The following RBM6 variants were observed in gnomAD, a reference collection of about 807,000 sequenced individuals.
RBM6 encodes RNA binding motif protein 6.
RBM6 carries 23 observed loss-of-function variants against 140.4 expected under a neutral mutation model. That is an observed-to-expected ratio of 0.16 (90% CI 0.12 to 0.23). RBM6 has a LOEUF of 0.23. RBM6 is among the 10% of genes least tolerant of loss of function. The pLI, the probability that RBM6 is intolerant of heterozygous loss-of-function variation, is 1.00. For missense variants in RBM6, 1,139 were observed against 1,386.7 expected, an observed-to-expected ratio of 0.82 and a Z score of 2.84; for synonymous variants, 439 against 475.6, an observed-to-expected ratio of 0.92 and a Z score of 1.00.
chr3:50,074,977 G>A (rs2090413923), intron 19 of RBM6, among the ~76,000 whole-genome samples: 1 of 151,286 alleles, frequency 6.6e-6, no homozygotes, highest in African/African-American at 2.4e-5. Context: ...GTGAAACTCT[G>A]TCTCTACTGA....
chr3:49,953,134 C>A (rs1315499524), intron 1 of RBM6, among the ~76,000 whole-genome samples: 1 of 151,958 alleles, frequency 6.6e-6, no homozygotes, highest in Non-Finnish European at 1.5e-5. Context: ...TGGCTTACTG[C>A]AGGCTGAAAC....
At chr3:49,988,126 G>A (rs1001082180) in intron 5 of RBM6, among the ~76,000 whole-genome samples, 2 of 152,088 alleles carry the variant, frequency 1.3e-5, no homozygotes, top group African/African-American at 2.4e-5. Context: ...TGTTCTCTTG[G>A]TTGTGTTGGG....
chr3:50,065,307 T>G (rs943925337), intron 16 of RBM6, among the ~76,000 whole-genome samples, 181 bp downstream of exon 16: 1 of 152,228 alleles, frequency 6.6e-6, no homozygotes, highest in Non-Finnish European at 1.5e-5. Context: ...TGTCTGCTAA[T>G]GGGGGTATTA....
intron 5 of RBM6, among the ~76,000 whole-genome samples, chr3:49,982,988 A>G (rs2085382306): frequency 6.6e-6 from 1 of 152,150 alleles, no homozygotes; most frequent in African/African-American, 2.4e-5. Flanking sequence ...CTGGGATTAC[A>G]GGCATGAACC....
chr3:49,993,287 A>T (rs951041990), intron 5 of RBM6, among the ~76,000 whole-genome samples: 2 of 152,162 alleles, frequency 1.3e-5, no homozygotes, highest in Admixed American at 6.5e-5. Flanking sequence ...AAACAAACAA[A>T]TTTTTTTCTT....
chr3:49,957,056 C>T (rs1284207939), intron 1 of RBM6, among the ~76,000 whole-genome samples: 1 of 152,128 alleles, frequency 6.6e-6, no homozygotes. Context: ...GATCATAGCT[C>T]ACTGCAGACT....
At chr3:50,056,617 C>T (rs1212649450) in intron 8 of RBM6, among the ~76,000 whole-genome samples, 1 of 152,100 alleles carries the variant, frequency 6.6e-6, no homozygotes, top group Non-Finnish European at 1.5e-5. Flanking sequence ...GTATGAAAAC[C>T]ACTGGGCACC....
intron 2 of RBM6, among the ~76,000 whole-genome samples, chr3:49,963,878 C>A (rs1245103799): frequency 2.0e-5 from 3 of 151,950 alleles, no homozygotes; most frequent in Non-Finnish European, 2.9e-5. Context: ...CCAGTTGAAA[C>A]TTCTATTAAC....
At chr3:50,017,285 C>T (rs1201761474) in intron 6 of RBM6, among the ~76,000 whole-genome samples, 1 of 152,146 alleles carries the variant, frequency 6.6e-6, no homozygotes, top group Non-Finnish European at 1.5e-5. Context: ...GGGCTGGGCA[C>T]AGTGGCTCAC....
At chr3:50,038,613 T>G (rs2088683130) in intron 6 of RBM6, among the ~76,000 whole-genome samples, 1 of 152,062 alleles carries the variant, frequency 6.6e-6, no homozygotes, top group African/African-American at 2.4e-5. Flanking sequence ...GGGCGGATCA[T>G]GAGGTCCGGA....
Position 49,986,436 on chromosome 3 carries a change from A to T in RBM6, c.1483+11044A>T, listed in dbSNP as rs548952700. Among the ~76,000 whole-genome samples the T allele has an allele frequency of 4.6e-5, 7 of 151,864 alleles. No individual in the cohort carries two copies. In the East Asian group the frequency reaches 1.0e-3, roughly 22 times the overall value. On this transcript the variant is annotated intron_variant, in intron 5 of 20. Coordinates refer to ENST00000266022, the MANE Select transcript of RBM6 (RefSeq NM_005777.3). ...GGTGAAACCCCATCTGTACTAAAAA[A>T]TACAAAAAATTAGCCGGGCATGGTG...
intron 2 of RBM6, chr3:49,962,906 G>T: frequency 2.7e-6 from 1 of 374,102 alleles, no homozygotes; most frequent in South Asian, 4.1e-5. Context: ...GACCATCCTG[G>T]CTATCACGGT....
intron 7 of RBM6, among the ~76,000 whole-genome samples, chr3:50,050,183 C>A (rs987588392): frequency 6.6e-6 from 1 of 151,974 alleles, no homozygotes; most frequent in Non-Finnish European, 1.5e-5. Context: ...CTTTTTTAAA[C>A]CCTCAAAAGG....
chr3:49,981,083 T>G (rs2085288088), intron 5 of RBM6, among the ~76,000 whole-genome samples: 2 of 151,958 alleles, frequency 1.3e-5, no homozygotes, highest in Non-Finnish European at 2.9e-5. Context: ...TTTGTATTTT[T>G]TAGTAGAGAC....
intron 2 of RBM6, among the ~76,000 whole-genome samples, chr3:49,964,671 C>T (rs1010145787): frequency 3.3e-5 from 5 of 152,202 alleles, no homozygotes; most frequent in East Asian, 1.9e-4. Context: ...TGGGGTTGTA[C>T]GTTACCATTT....
chr3:49,979,947 A>T (rs147085831), intron 5 of RBM6, among the ~76,000 whole-genome samples: 2 of 152,036 alleles, frequency 1.3e-5, no homozygotes, highest in Admixed American at 6.6e-5. Flanking sequence ...TGATGTATCA[A>T]TGTTAAATTC....
chr3:50,017,491 G>T (rs1361844075), intron 6 of RBM6, among the ~76,000 whole-genome samples: 1 of 151,388 alleles, frequency 6.6e-6, no homozygotes, highest in African/African-American at 2.4e-5. Context: ...CCAGGAGGTG[G>T]AGCGTGCAGT....
chr3:49,941,217 G>T (rs1413258019), intron 1 of RBM6: 1 of 152,140 alleles, frequency 6.6e-6, no homozygotes, highest in African/African-American at 2.4e-5. Context: ...TGGCAGTGAA[G>T]AAAGTAACTA....
In RBM6 at chr3:50,061,015, G is replaced by C. The variant is rs1475442004; in HGVS notation, c.2271+17G>C. On this transcript the variant is annotated intron_variant, in intron 12 of 20. Transcript: ENST00000266022. ...TACTATCAGGTAGGCTGTAACAGGT[G>C]GGGAGTGCTCTATTAAAATCCTCAG... 1.3e-6 allele frequency: 2 copies of C among 1,596,062 alleles called. No homozygotes were observed. The highest frequency in any genetic ancestry group is 1.7e-6 in the Non-Finnish European group (2 of 1,171,196).
Sources: allele counts gnomAD v4.1 joint callset (sites outside exome capture counted in the v4.1 genomes callset), GRCh38; gene constraint gnomAD v4.1.1; transcripts MANE v1.5; gene names NCBI Gene and HGNC (gene_info 2026-07-23, HGNC 2026-07-21).